The following HEXA variants were observed in gnomAD, a reference collection of about 807,000 sequenced individuals.
HEXA encodes hexosaminidase subunit alpha.
A neutral mutation model predicts 73.3 loss-of-function variants in HEXA; 54 were observed. That is an observed-to-expected ratio of 0.74 (90% confidence interval 0.59 to 0.92). The LOEUF is 0.92. Among genes scored for constraint, HEXA ranks in the 40% least tolerant of loss-of-function variants. HEXA has a pLI of 0.00. For synonymous variants in HEXA, 230 were observed against 246.9 expected, an observed-to-expected ratio of 0.93 and a Z score of 0.64; for missense variants, 649 against 653.0, an observed-to-expected ratio of 0.99 and a Z score of 0.07.
In HEXA at chr15:72,341,751, G is replaced by C. The variant is rs2088556858; in HGVS notation, c.*2326C>G. 6.6e-6 allele frequency: 1 copy of C among 152,202 alleles called. No homozygotes were observed. Among genetic ancestry groups the C allele is most frequent in the Non-Finnish European group, 1.5e-5 (1 of 68,040 alleles). The allele number at this position is 152,202 out of a possible 1,614,324, so 9.4% of individuals were successfully genotyped here. On this transcript the variant is annotated 3_prime_UTR_variant, in exon 14 of 14. Coordinates refer to ENST00000268097, the MANE Select transcript of HEXA (RefSeq NM_000520.6). ...GCAGGCCACTGCAGTTGACCTGTTG[G>C]CATTCGAGGTCTGACGACCTTCAGG...
chr15:72,361,737 T>C (rs1243465933), intron 1 of HEXA, among the ~76,000 whole-genome samples: 2 of 152,242 alleles, frequency 1.3e-5, no homozygotes, highest in African/African-American at 4.8e-5. Flanking sequence ...TCTCAAACAT[T>C]GTGTTAAGCA....
intron 7 of HEXA, among the ~76,000 whole-genome samples, chr15:72,350,056 G>T (rs1420400670): frequency 6.6e-6 from 1 of 152,086 alleles, no homozygotes; most frequent in Non-Finnish European, 1.5e-5. Context: ...GAGCCACCAC[G>T]CCCGGCCAAT....
chr15:72,371,762 AGATTATAATGAACTAT>A (rs1409423548), intron 1 of HEXA, among the ~76,000 whole-genome samples: 1 of 152,212 alleles, frequency 6.6e-6, no homozygotes, highest in African/African-American at 2.4e-5. Flanking sequence ...TAGGAGATCC[AGATTATAATGAACTAT>A]GCCATTTATT....
At position 72,350,648 on chromosome 15, in the gene HEXA, C is replaced by G; in HGVS notation, c.675G>C (p.Gly225=). 1 of 1,608,202 alleles carries G rather than the reference C, an allele frequency of 6.2e-7. No homozygotes were observed. The change falls in exon 7 of 14, where the codon GGG becomes GGC. Residue 225 remains glycine (G), a splice_region_variant and synonymous_variant. Transcript: ENST00000268097. ...AGATGTGGGTGACAGGGTTGTAGGA[C>G]CCCTGAAAGGCACAAGACACCCTTC... ...SFTFPELMRK[G]SYNPVTHIYT...
At chr15:72,348,002 C>T (rs1470973620) in intron 9 of HEXA, 46 bp downstream of exon 9, 8 of 1,339,586 alleles carry the variant, frequency 6.0e-6, no homozygotes, top group South Asian at 1.2e-5. Context: ...GAGGACCCCA[C>T]AGGAGGACCC....
At chr15:72,369,214 T>C (rs2088955533) in intron 1 of HEXA, among the ~76,000 whole-genome samples, 1 of 152,226 alleles carries the variant, frequency 6.6e-6, no homozygotes, top group Non-Finnish European at 1.5e-5. Context: ...GACCCAATAA[T>C]GGGTTTTATT....
chr15:72,375,944 A>C lies in HEXA; in HGVS notation c.29T>G (p.Leu10Arg). Reference sequence around the variant, plus strand: ...TCCTGCGAACGCTGCCGCCAGCAGCAGCGAAAACCAAAGCCTGGAGCTTGT... The same window carrying C: ...TCCTGCGAACGCTGCCGCCAGCAGCCGCGAAAACCAAAGCCTGGAGCTTGT... MTSSRLWFS[L>R]LLAAAFAGRA... Residue 10 changes from leucine (L) to arginine (R), a missense_variant, in exon 1 of 14, where the codon CTG becomes CGG. Transcript: ENST00000268097. The C allele has an allele frequency of 6.2e-7, 1 of 1,614,042 alleles. No individual in the cohort carries two copies. The highest frequency in any genetic ancestry group is 8.5e-7 in the Non-Finnish European group (1 of 1,180,028).
Position 72,350,535 on chromosome 15 carries a change from G to T in HEXA, c.788C>A (p.Thr263Asn). The change falls in exon 7 of 14, where the codon ACT (threonine) becomes AAT (asparagine). Residue 263 changes from threonine to asparagine, a missense_variant. Transcript: ENST00000268097. ...ATTCTTACCTGGTCCCCAGGACAAA[G>T]TGTGGCCAGGAGTGTCAAACTCTGC... The part of the protein sequence containing the change: ...VLAEFDTPGH[T>N]LSWGPGIPGL... 6.2e-7 allele frequency: 1 copy of T among 1,614,134 alleles called. No homozygotes were observed. Among genetic ancestry groups the T allele is most frequent in the Non-Finnish European group, 8.5e-7 (1 of 1,180,032 alleles).
chr15:72,361,796 A>C (rs960798148), intron 1 of HEXA, among the ~76,000 whole-genome samples: 6 of 152,322 alleles, frequency 3.9e-5, no homozygotes, highest in Admixed American at 6.5e-5. Context: ...ACAATTACAC[A>C]ATCCTTATAA....
intron 1 of HEXA, 81 bp downstream of exon 1, chr15:72,375,639 G>A (rs2089053323): frequency 1.3e-6 from 2 of 1,522,128 alleles, no homozygotes; most frequent in East Asian, 4.5e-5. Context: ...AGCCCATAGG[G>A]CGTCTCTGGA....
intron 7 of HEXA, among the ~76,000 whole-genome samples, chr15:72,349,690 A>G (rs2088669345): frequency 6.6e-6 from 1 of 152,120 alleles, no homozygotes; most frequent in East Asian, 1.9e-4. Context: ...TTGCTAAGGG[A>G]TATCTCCCTT....
At chr15:72,349,011 C>G in intron 8 of HEXA, 68 bp downstream of exon 8, 4 of 1,313,658 alleles carry the variant, frequency 3.0e-6, no homozygotes, top group East Asian at 2.3e-5. Flanking sequence ...AGCAGCCCCT[C>G]GGGTGCTAAC....
Position 72,353,603 on chromosome 15 carries a change from A to C in HEXA, c.459+88T>G, listed in dbSNP as rs2088731535. ...GCTATCTCAAGCCACCAGGATCCTA[A>C]GGCAAAACAAGATTTTTCTAGGATT... On this transcript the variant is annotated intron_variant, in intron 4 of 13. Coordinates refer to ENST00000268097, the MANE Select transcript of HEXA (RefSeq NM_000520.6). The C allele has an allele frequency of 2.9e-6, 3 of 1,033,910 alleles. No individual in the cohort carries two copies. In the African/African-American group the frequency reaches 4.7e-5, roughly 16 times the overall value. The allele number at this position is 1,033,910 out of a possible 1,614,324, so 64.0% of individuals were successfully genotyped here.
At chr15:72,375,696 C>A (rs764977484) in intron 1 of HEXA, 24 bp downstream of exon 1, 13 of 1,613,574 alleles carry the variant, frequency 8.1e-6, no homozygotes, top group Non-Finnish European at 9.3e-6. Flanking sequence ...GGCCCAGGAA[C>A]AGGGCGGGAC....
At chr15:72,345,327 C>T in intron 13 of HEXA, 119 bp downstream of exon 13, 1 of 1,534,920 alleles carries the variant, frequency 6.5e-7, no homozygotes, top group South Asian at 1.2e-5. Flanking sequence ...TGGATGAGGG[C>T]TGACTATAAG....
chr15:72,369,940 G>C (rs963716209), intron 1 of HEXA: 1 of 152,138 alleles, frequency 6.6e-6, no homozygotes, highest in Non-Finnish European at 1.5e-5. Flanking sequence ...GGAAATGGAA[G>C]GAAAGGCATC....
intron 1 of HEXA, 135 bp from the exon 2 acceptor site, chr15:72,356,752 A>G (rs963955129): frequency 7.6e-7 from 1 of 1,309,188 alleles, no homozygotes; most frequent in African/African-American, 1.5e-5. Flanking sequence ...TACCCTTGGC[A>G]TAGGCAGTGC....
At chr15:72,347,283 G>GT (rs1368628672) in intron 10 of HEXA, among the ~76,000 whole-genome samples, 1 of 144,246 alleles carries the variant, frequency 6.9e-6, no homozygotes, top group Non-Finnish European at 1.5e-5. Context: ...GCGGCCTTTG[G>GT]TTTTTTTGAG....
At chr15:72,346,416 C>T (rs2088614602) in intron 11 of HEXA, 91 bp from the exon 12 acceptor site, 3 of 1,499,140 alleles carry the variant, frequency 2.0e-6, no homozygotes, top group Middle Eastern at 1.7e-4. Flanking sequence ...CTCACCCCAG[C>T]TAAGTTGTTT....
Sources: gnomAD v4.1 joint callset for allele counts (sites outside exome capture counted in the v4.1 genomes callset) on GRCh38, gnomAD v4.1.1 for gene constraint, MANE v1.5 for transcripts, NCBI Gene and HGNC (gene_info 2026-07-23, HGNC 2026-07-21) for gene names.